The following RBFOX1 variants were observed in gnomAD, a reference collection of about 807,000 sequenced individuals.
The protein encoded by RBFOX1 is RNA binding fox-1 homolog 1.
Under a neutral mutation model 57.7 loss-of-function variants are expected in RBFOX1, and 8 were observed. That is an observed-to-expected ratio of 0.14 (90% CI 0.08 to 0.25). The LOEUF is 0.25. Among genes scored for constraint, RBFOX1 ranks in the 10% least tolerant of loss-of-function variants. RBFOX1 has a pLI of 1.00. For synonymous variants in RBFOX1, 326 were observed against 222.4 expected (o/e 1.47, Z -4.15); for missense variants, 611 against 548.5 (o/e 1.11, Z -1.14).
intron 3 of RBFOX1, among the ~76,000 whole-genome samples, chr16:6,809,873 G>A (rs1483730984): frequency 2.0e-5 from 3 of 152,066 alleles, no homozygotes; most frequent in Non-Finnish European, 4.4e-5. Flanking sequence ...TGCCTTTCTG[G>A]AAGTTATGAA....
intron 2 of RBFOX1, among the ~76,000 whole-genome samples, chr16:6,331,499 A>G (rs2083022336): frequency 6.6e-6 from 1 of 151,700 alleles, no homozygotes; most frequent in Admixed American, 6.6e-5. Context: ...GTGGGAATGG[A>G]TATAAATGGA....
chr16:6,095,131 G>C (rs540909283), intron 1 of RBFOX1, among the ~76,000 whole-genome samples: 1 of 152,166 alleles, frequency 6.6e-6, no homozygotes, highest in African/African-American at 2.4e-5. Context: ...ATAAGTATGG[G>C]CCCATACATA....
chr16:6,365,583 G>T (rs923100203), intron 2 of RBFOX1, among the ~76,000 whole-genome samples: 1 of 152,180 alleles, frequency 6.6e-6, no homozygotes, highest in Non-Finnish European at 1.5e-5. Flanking sequence ...GGGCACTGGG[G>T]TGCTGACATA....
At chr16:5,241,574 A>G (rs527930951) in intron 1 of RBFOX1, among the ~76,000 whole-genome samples, 2 of 152,336 alleles carry the variant, frequency 1.3e-5, no homozygotes, top group South Asian at 4.1e-4. Flanking sequence ...GCTGGCTGAC[A>G]TGGCACACGC....
At chr16:5,816,077 G>T (rs1035849153) in intron 3 of RBFOX1, among the ~76,000 whole-genome samples, 1 of 152,216 alleles carries the variant, frequency 6.6e-6, no homozygotes, top group Admixed American at 6.5e-5. Flanking sequence ...TGAGCCTCCA[G>T]TTCTCCATGG....
intron 3 of RBFOX1, among the ~76,000 whole-genome samples, chr16:5,805,504 G>A (rs9930593): frequency 2.8e-4 from 42 of 152,298 alleles, no homozygotes; most frequent in African/African-American, 8.9e-4. Context: ...GCTTCTATGT[G>A]GGTTGGTGGC....
intron 4 of RBFOX1, among the ~76,000 whole-genome samples, chr16:5,941,965 T>G (rs1430775125): frequency 6.6e-6 from 1 of 151,742 alleles, no homozygotes; most frequent in African/African-American, 2.4e-5. Context: ...TGTTATGGTA[T>G]TTTTCTAAAT....
chr16:6,500,896 T>TTTTTTGTTTGTTTGTCTGTTTG (rs2095896619), intron 2 of RBFOX1, among the ~76,000 whole-genome samples: 1 of 142,332 alleles, frequency 7.0e-6, no homozygotes, highest in Non-Finnish European at 1.5e-5. Flanking sequence ...TTTTTTTTTT[T>TTTTTTGTTTGTTTGTCTGTTTG]TTTTTAATGC....
intron 2 of RBFOX1, among the ~76,000 whole-genome samples, chr16:5,541,880 C>A (rs529767602): frequency 6.6e-6 from 1 of 152,096 alleles, no homozygotes; most frequent in Non-Finnish European, 1.5e-5. Context: ...AGATCAGGGG[C>A]CTCTTTAATT....
At chr16:5,729,258 A>G (rs1460701109) in intron 3 of RBFOX1, among the ~76,000 whole-genome samples, 1 of 152,200 alleles carries the variant, frequency 6.6e-6, no homozygotes, top group East Asian at 1.9e-4. Context: ...CTTCATACCT[A>G]GAGGTTAAGT....
At chr16:5,748,062 C>G (rs1480529756) in intron 3 of RBFOX1, among the ~76,000 whole-genome samples, 1 of 152,146 alleles carries the variant, frequency 6.6e-6, no homozygotes, top group African/African-American at 2.4e-5. Context: ...CCCAGATATT[C>G]TGGTATGTTG....
rs146019563 is a variant in RBFOX1 at position 7,153,692 on chromosome 16, T to C, written c.27+101594T>C. On this transcript the variant is annotated intron_variant, in intron 4 of 15. Transcript: ENST00000550418. The stretch of plus-strand genomic sequence containing the variant: ...TGGAACCCTGAAGTCGGAGGTTGCA[T>C]TGAACTCTAGCCTGGTGACAGTGAG... Among the ~76,000 whole-genome samples, 624 of 142,234 alleles carry C rather than the reference T, an allele frequency of 4.4e-3. 3 individuals are homozygous for C. The highest frequency in any genetic ancestry group is 0.016 in the African/African-American group (594 of 37,702). 93.3% of individuals were successfully genotyped at this position (142,234 alleles called of 152,430 possible).
chr16:5,533,559 A>G lies in RBFOX1; in HGVS notation c.259-65343A>G, dbSNP rs143201649. 3.3e-5 allele frequency among the ~76,000 whole-genome samples: 5 copies of G among 152,320 alleles called. No homozygotes were observed. In the East Asian group the frequency reaches 7.7e-4, roughly 24 times the overall value. Reference sequence around the variant, plus strand: ...TCTGAGCAGACTCCGTGACAACTTCAAACAGAGGCTTGGCTGAAATCCCTC... The same window carrying G: ...TCTGAGCAGACTCCGTGACAACTTCGAACAGAGGCTTGGCTGAAATCCCTC... On this transcript the variant is annotated intron_variant, in intron 2 of 2. Transcript: ENST00000585867.
chr16:5,311,919 G>A (rs1037811945), intron 1 of RBFOX1, among the ~76,000 whole-genome samples: 10 of 152,182 alleles, frequency 6.6e-5, no homozygotes, highest in Non-Finnish European at 1.2e-4. Flanking sequence ...TCCTTGTTAC[G>A]GTGCTGTAAT....
chr16:6,211,753 T>C (rs2097299401), intron 1 of RBFOX1, among the ~76,000 whole-genome samples: 1 of 152,158 alleles, frequency 6.6e-6, no homozygotes, highest in African/African-American at 2.4e-5. Context: ...CTTCTAAGAA[T>C]TGATTTTGTA....
At position 6,827,544 on chromosome 16, in the gene RBFOX1, G is replaced by T. The variant is rs566727471; in HGVS notation, c.-16+172894G>T. Among the ~76,000 whole-genome samples the T allele has an allele frequency of 2.4e-4, 36 of 152,278 alleles. 1 individual carries two copies. The South Asian group carries it at 7.3e-3, about 31-fold the overall frequency. On this transcript the variant is annotated intron_variant, in intron 3 of 15. Coordinates refer to ENST00000550418, the MANE Select transcript of RBFOX1 (RefSeq NM_018723.4). Reference sequence around the variant, plus strand: ...CTGAGTGTGACCATGTCACTCCTCTGTTCTCCAGCGCTTTCAAAATAAAAC... The same window carrying T: ...CTGAGTGTGACCATGTCACTCCTCTTTTCTCCAGCGCTTTCAAAATAAAAC...
At chr16:5,874,636 A>G (rs1231247778) in intron 4 of RBFOX1, among the ~76,000 whole-genome samples, 2 of 152,152 alleles carry the variant, frequency 1.3e-5, no homozygotes, top group African/African-American at 4.8e-5. Flanking sequence ...AGCAGAGGGA[A>G]ATATATGTGC....
At chr16:7,178,859 C>G (rs1389879663) in intron 4 of RBFOX1, among the ~76,000 whole-genome samples, 2 of 152,126 alleles carry the variant, frequency 1.3e-5, no homozygotes, top group African/African-American at 2.4e-5. Context: ...CTTCATACTT[C>G]TTTACTTCCT....
At chr16:6,256,724 T>C (rs1446294330) in intron 1 of RBFOX1, among the ~76,000 whole-genome samples, 3 of 152,128 alleles carry the variant, frequency 2.0e-5, no homozygotes, top group African/African-American at 7.2e-5. Flanking sequence ...ACTCATGACA[T>C]GCCAGCAGTG....
Sources: allele counts gnomAD v4.1 joint callset (sites outside exome capture counted in the v4.1 genomes callset), GRCh38; gene constraint gnomAD v4.1.1; transcripts MANE v1.5; gene names NCBI Gene and HGNC (gene_info 2026-07-23, HGNC 2026-07-21).